Variants in ACIN1 observed in about 807,000 individuals in gnomAD.
ACIN1 encodes apoptotic chromatin condensation inducer 1.
Under a neutral mutation model 146.6 loss-of-function variants are expected in ACIN1, and 16 were observed. That is an observed-to-expected ratio of 0.11 (90% CI 0.07 to 0.17). The LOEUF is 0.17. ACIN1 is among the 10% of genes least tolerant of loss of function. The pLI is 1.00. For synonymous variants in ACIN1, 569 were observed against 582.7 expected (o/e 0.98, Z 0.34); for missense variants, 1,357 against 1,609.3 (o/e 0.84, Z 2.68).
intron 1 of ACIN1, among the ~76,000 whole-genome samples, chr14:23,094,075 C>T (rs541310333): frequency 6.6e-6 from 1 of 151,756 alleles, no homozygotes; most frequent in Non-Finnish European, 1.5e-5. Flanking sequence ...GACCACAGAC[C>T]CTGTAAACTG....
chr14:23,095,328 T>G, upstream of ACIN1: 1 of 1,553,604 alleles, frequency 6.4e-7, no homozygotes, highest in Non-Finnish European at 8.7e-7. Context: ...CAGCGCCCCT[T>G]TTCTCGCCCT....
chr14:23,093,417 C>T (rs982239631), intron 2 of ACIN1, 62 bp downstream of exon 2: 12 of 1,487,320 alleles, frequency 8.1e-6, no homozygotes, highest in Admixed American at 1.7e-5. Context: ...TACAACACCA[C>T]GTCCTTCCAT....
rs1043990212 is a variant in ACIN1, at chr14:23,067,818, G to A, written c.2265+1658C>T. On this transcript the variant is annotated intron_variant, in intron 9 of 18. Coordinates refer to ENST00000605057, the MANE Select transcript of ACIN1 (RefSeq NM_001386863.1). This position sits in a 1 kb window ranked among gnomAD's most constrained non-coding sequence, Gnocchi z 4.6. ...TCTCCTCTGCCTGTAACTGGGGAGGGGGTCCTCTCACCGAGTGGGATCATG... is the reference window on the plus strand; with the variant it reads ...TCTCCTCTGCCTGTAACTGGGGAGGAGGTCCTCTCACCGAGTGGGATCATG... The A allele has an allele frequency of 2.0e-6, 2 of 985,764 alleles. No homozygotes were observed. The highest frequency in any genetic ancestry group is 1.2e-4 in the Admixed American group (2 of 16,264). The allele number at this position is 985,764 out of a possible 1,614,324, so 61.1% of individuals were successfully genotyped here. A position where few individuals can be genotyped will look rare whatever the true frequency, so the allele number is the denominator to read the frequency against.
intron 8 of ACIN1, chr14:23,071,145 C>T (rs1453044764): frequency 1.9e-6 from 3 of 1,551,512 alleles, no homozygotes; most frequent in African/African-American, 1.4e-5. Flanking sequence ...TTTCTGATAA[C>T]ATGATTTTTT....
rs750947198 is a variant in ACIN1, at chr14:23,089,977, C to G, written c.436+5G>C. 3 of 1,605,604 alleles carry G rather than the reference C, an allele frequency of 1.9e-6. No homozygotes were observed. The highest frequency in any genetic ancestry group is 1.7e-6 in the Non-Finnish European group (2 of 1,175,424). On this transcript the variant is annotated splice_donor_5th_base_variant and intron_variant, in intron 4 of 18. Coordinates refer to ENST00000605057, the MANE Select transcript of ACIN1 (RefSeq NM_001386863.1). ...AAACAGCGCAGTGGGGAGGGAGATA[C>G]GTACTGGGCGAATGTCTGCTGAGCT...
Position 23,077,196 on chromosome 14 carries a change from T to A in ACIN1, c.2123+955A>T, listed in dbSNP as rs1336726892. Among the ~76,000 whole-genome samples the A allele has an allele frequency of 2.0e-5, 3 of 152,210 alleles. No individual in the cohort carries two copies. The South Asian group carries it at 6.2e-4, about 31-fold the overall frequency. On this transcript the variant is annotated intron_variant, in intron 8 of 18. Coordinates refer to ENST00000605057, the MANE Select transcript of ACIN1 (RefSeq NM_001386863.1). ...CCCACTACCCTCCAAAAGTCAGAGT[T>A]AAAGTACAGTTTGAAGCTCTCAGAA...
Position 23,079,632 on chromosome 14 carries a change from C to A in ACIN1, c.1703G>T (p.Arg568Ile), listed in dbSNP as rs1409391122. ...TGTTGATCTGGAGCCCATCTTGGGT[C>A]TACCACGAGGGTTGGCATGAGTACG... ...QARTHANPRG[R>I]PKMGSRSTSE... Residue 568 changes from arginine to isoleucine, a missense_variant, in exon 6 of 19, where the codon AGA becomes ATA. Transcript: ENST00000605057. 6.2e-7 allele frequency: 1 copy of A among 1,614,004 alleles called. No homozygotes were observed. The highest frequency in any genetic ancestry group is 1.3e-5 in the African/African-American group (1 of 74,908).
chr14:23,080,509 A>G lies in ACIN1; in HGVS notation c.826T>C (p.Leu276=), dbSNP rs770032526. 6.2e-7 allele frequency: 1 copy of G among 1,613,354 alleles called. No homozygotes were observed. The highest frequency in any genetic ancestry group is 1.3e-5 in the African/African-American group (1 of 74,630). ...PKTRSQEQEV[L]ERGGRFTRSQ... is the part of the protein sequence containing the mutation. ...CTTGTAAATCTCCCTCCTCTCTCTA[A>G]CACCTCCTGTTCCTGGGATCTTGTT... The change falls in exon 6 of 19, where the codon TTA becomes CTA. Residue 276 remains leucine (L), a synonymous_variant. Coordinates refer to ENST00000605057, the MANE Select transcript of ACIN1 (RefSeq NM_001386863.1).
At position 23,068,675 on chromosome 14, in the gene ACIN1, G is replaced by GA; in HGVS notation, c.2265+800_2265+801insT. Reference sequence around the variant, plus strand: ...GCGGATTACCGTACATGAGGTACTTGGACAAAGTTTTACGGGGAAGAAGGA... The same window carrying GA: ...GCGGATTACCGTACATGAGGTACTTGAGACAAAGTTTTACGGGGAAGAAGGA... On this transcript the variant is annotated intron_variant, in intron 9 of 18. Transcript: ENST00000605057. This position sits in a 1 kb window ranked among gnomAD's most constrained non-coding sequence, Gnocchi z 4.3. 1 of 985,774 alleles carries GA rather than the reference G, an allele frequency of 1.0e-6. No individual in the cohort carries two copies. Among genetic ancestry groups the GA allele is most frequent in the Non-Finnish European group, 1.2e-6 (1 of 829,952 alleles). 61.1% of individuals were successfully genotyped at this position (985,774 alleles called of 1,614,324 possible).
At chr14:23,079,427 G>T (rs1366771791) in intron 6 of ACIN1, 120 bp downstream of exon 6, 12 of 1,460,438 alleles carry the variant, frequency 8.2e-6, no homozygotes, top group Non-Finnish European at 1.1e-5. Flanking sequence ...ATCAGTGAAG[G>T]AGAGTAAAGG....
chr14:23,070,063 C>T lies in ACIN1; in HGVS notation c.2124-446G>A, dbSNP rs144686534. Among the ~76,000 whole-genome samples, 1,388 of 152,106 alleles carry T rather than the reference C, an allele frequency of 9.1e-3. 23 individuals carry two copies. Among genetic ancestry groups the T allele is most frequent in the African/African-American group, 0.032 (1,310 of 41,468 alleles). On this transcript the variant is annotated intron_variant, in intron 8 of 18. Coordinates refer to ENST00000605057, the MANE Select transcript of ACIN1 (RefSeq NM_001386863.1). ...ATTGCACGAGAAACGAAGGGAAGCC[C>T]GATTCCCTTAAAAAGACAAGAAAGA...
At chr14:23,083,832 G>A (rs2048014629) in intron 4 of ACIN1, among the ~76,000 whole-genome samples, 1 of 152,186 alleles carries the variant, frequency 6.6e-6, no homozygotes, top group Non-Finnish European at 1.5e-5. Flanking sequence ...TACTTGATCA[G>A]CTAGATTGGA....
Position 23,080,260 on chromosome 14 carries a change from G to T in ACIN1, c.1075C>A (p.Pro359Thr). ...QTASEEETPP[P>T]LLTKEASSPP... Reference sequence around the variant, plus strand: ...GAAGATGCTTCCTTTGTTAGTAAAGGTGGAGGAGTCTCCTCCTCGCTGGCA... The same window carrying T: ...GAAGATGCTTCCTTTGTTAGTAAAGTTGGAGGAGTCTCCTCCTCGCTGGCA... Residue 359 changes from proline (P) to threonine (T), a missense_variant, in exon 6 of 19, where the codon CCT (proline) becomes ACT (threonine). Transcript: ENST00000605057. The T allele has an allele frequency of 6.2e-7, 1 of 1,614,220 alleles. No individual in the cohort carries two copies. The highest frequency in any genetic ancestry group is 8.5e-7 in the Non-Finnish European group (1 of 1,180,024).
At chr14:23,082,883 G>A (rs2047984178) in intron 4 of ACIN1, among the ~76,000 whole-genome samples, 1 of 151,690 alleles carries the variant, frequency 6.6e-6, no homozygotes, top group South Asian at 2.1e-4. Context: ...GGGACTGCAG[G>A]CGCACGCCAC....
At chr14:23,084,373 G>A (rs1383763009) in intron 4 of ACIN1, among the ~76,000 whole-genome samples, 3 of 152,136 alleles carry the variant, frequency 2.0e-5, no homozygotes, top group Non-Finnish European at 2.9e-5. Context: ...TTGAGAGGCC[G>A]AGGCGGGCAG....
intron 10 of ACIN1, among the ~76,000 whole-genome samples, chr14:23,065,448 T>C (rs1011235931): frequency 6.6e-6 from 1 of 152,180 alleles, no homozygotes; most frequent in African/African-American, 2.4e-5. Flanking sequence ...TAGCTGGGCA[T>C]GGTGGCGCAT....
intron 8 of ACIN1, among the ~76,000 whole-genome samples, chr14:23,072,067 T>C (rs776034635): frequency 2.6e-5 from 4 of 151,914 alleles, no homozygotes; most frequent in Non-Finnish European, 5.9e-5. Flanking sequence ...ATGCTGCAGG[T>C]AGGGAGGTGG....
intron 5 of ACIN1, 77 bp downstream of exon 5, chr14:23,081,671 C>A: frequency 7.6e-7 from 1 of 1,308,966 alleles, no homozygotes; most frequent in South Asian, 1.3e-5. Flanking sequence ...GACATACAAA[C>A]TCAAAACAAG....
chr14:23,089,840 T>G (rs1015506479), intron 4 of ACIN1, 142 bp downstream of exon 4: 33 of 1,196,688 alleles, frequency 2.8e-5, no homozygotes, highest in South Asian at 6.2e-5. Flanking sequence ...ATACTTTCCA[T>G]GAGAAACAGA....
Sources: allele counts gnomAD v4.1 joint callset (sites outside exome capture counted in the v4.1 genomes callset), GRCh38; gene constraint gnomAD v4.1.1; non-coding constraint Gnocchi (gnomAD v3.1); transcripts MANE v1.5; gene names NCBI Gene and HGNC (gene_info 2026-07-23, HGNC 2026-07-21).